Variants in ROBO2 observed in about 807,000 individuals in gnomAD.
The protein encoded by ROBO2 is roundabout homolog 2.
A neutral mutation model predicts 160.8 loss-of-function variants in ROBO2; 53 were observed. That is an observed-to-expected ratio of 0.33 (90% CI 0.26 to 0.41). The LOEUF (loss-of-function observed/expected upper bound fraction) is 0.41. Among genes scored for constraint, ROBO2 ranks in the 10% least tolerant of loss-of-function variants. ROBO2 has a pLI of 1.00. For missense variants in ROBO2, 1,577 were observed against 1,722.4 expected (o/e 0.92, Z 1.49); for synonymous variants, 664 against 611.7 (o/e 1.09, Z -1.26).
chr3:76,538,612 G>A (rs183866991), intron 2 of ROBO2, among the ~76,000 whole-genome samples: 2 of 152,270 alleles, frequency 1.3e-5, no homozygotes, highest in African/African-American at 2.4e-5. Flanking sequence ...TAGAACTGGG[G>A]TACATGTTGT....
chr3:76,216,135 T>C lies in ROBO2; in HGVS notation c.109+278533T>C, dbSNP rs548956531. On this transcript the variant is annotated intron_variant, in intron 2 of 26. Transcript: ENST00000487694. ...TGAGAGATTGTGTCACCACCAGGCCTGCCCTAAAAGAGCTCCTGAAGGAAG... is the reference window on the plus strand; with the variant it reads ...TGAGAGATTGTGTCACCACCAGGCCCGCCCTAAAAGAGCTCCTGAAGGAAG... Among the ~76,000 whole-genome samples, 807 of 152,294 alleles carry C rather than the reference T, an allele frequency of 5.3e-3. 13 individuals carry two copies. The highest frequency in any genetic ancestry group is 0.019 in the African/African-American group (772 of 41,562).
chr3:76,655,054 T>G (rs1026199130), intron 2 of ROBO2, among the ~76,000 whole-genome samples: 1 of 151,102 alleles, frequency 6.6e-6, no homozygotes, highest in African/African-American at 2.4e-5. Flanking sequence ...AAGAAATTTC[T>G]TTGGTTAAAG....
chr3:76,752,036 C>A (rs924648485), intron 2 of ROBO2, among the ~76,000 whole-genome samples: 2 of 152,068 alleles, frequency 1.3e-5, no homozygotes, highest in Admixed American at 6.6e-5. Flanking sequence ...AGACTTGGAA[C>A]CAACCCAAAT....
chr3:76,972,887 A>G (rs2059639276), intron 2 of ROBO2, among the ~76,000 whole-genome samples: 1 of 152,182 alleles, frequency 6.6e-6, no homozygotes, highest in Non-Finnish European at 1.5e-5. Flanking sequence ...ATACATAAAA[A>G]TTAAAATAGA....
At chr3:76,546,810 C>A (rs2083131875) in intron 2 of ROBO2, among the ~76,000 whole-genome samples, 2 of 151,666 alleles carry the variant, frequency 1.3e-5, no homozygotes, top group South Asian at 4.1e-4. Context: ...AAGTCTAACA[C>A]TTGATTTTTA....
intron 6 of ROBO2, among the ~76,000 whole-genome samples, chr3:77,538,359 A>G (rs1161178204): frequency 2.0e-5 from 3 of 151,708 alleles, no homozygotes; most frequent in Non-Finnish European, 1.5e-5. Context: ...TTGTATTTTT[A>G]GTAGAGACGG....
At chr3:76,461,214 C>T (rs551297239) in intron 2 of ROBO2, among the ~76,000 whole-genome samples, 195 of 152,154 alleles carry the variant, frequency 1.3e-3, no homozygotes, top group Non-Finnish European at 2.2e-3. Context: ...TGGAGCAAGG[C>T]TGGGGTTGTA....
intron 2 of ROBO2, among the ~76,000 whole-genome samples, chr3:76,473,442 C>G (rs537053861): frequency 6.6e-6 from 1 of 152,248 alleles, no homozygotes; most frequent in African/African-American, 2.4e-5. Context: ...ACCTTCCTCT[C>G]AGACTCTTGT....
intron 7 of ROBO2, among the ~76,000 whole-genome samples, chr3:77,546,817 T>C (rs1381162730): frequency 6.6e-6 from 1 of 152,092 alleles, no homozygotes; most frequent in Non-Finnish European, 1.5e-5. Flanking sequence ...AGTCAGGACA[T>C]ATGCAGTACT....
At chr3:75,971,999 T>G (rs1323356906) in intron 2 of ROBO2, among the ~76,000 whole-genome samples, 1 of 151,610 alleles carries the variant, frequency 6.6e-6, no homozygotes, top group South Asian at 2.1e-4. Context: ...TCAAATAAAT[T>G]ATTCTGTTCT....
In ROBO2 at chr3:76,036,195, G is replaced by A. The variant is rs1387163267; in HGVS notation, c.109+98593G>A. On this transcript the variant is annotated intron_variant, in intron 2 of 26. Coordinates refer to the ROBO2 transcript ENST00000487694. Reference sequence around the variant, plus strand: ...GACCTGGTCTCACTCTGTCGCCCAGGCTGGAGTGCAGTGGAGTGATCTCAG... The same window carrying A: ...GACCTGGTCTCACTCTGTCGCCCAGACTGGAGTGCAGTGGAGTGATCTCAG... Among the ~76,000 whole-genome samples, 2 of 151,988 alleles carry A rather than the reference G, an allele frequency of 1.3e-5. 1 individual carries two copies. Among genetic ancestry groups the A allele is most frequent in the African/African-American group, 4.8e-5 (2 of 41,266 alleles).
chr3:76,424,896 C>T (rs1489239674), intron 2 of ROBO2, among the ~76,000 whole-genome samples: 1 of 152,178 alleles, frequency 6.6e-6, no homozygotes, highest in Non-Finnish European at 1.5e-5. Flanking sequence ...GTGCATGGCA[C>T]AAACAGCTCC....
chr3:77,644,243 T>A (rs530146958), intron 24 of ROBO2, among the ~76,000 whole-genome samples: 1 of 152,290 alleles, frequency 6.6e-6, no homozygotes, highest in South Asian at 2.1e-4. Flanking sequence ...TTTTAAAAGC[T>A]TATTTAACTA....
chr3:76,102,973 G>T (rs147976418), intron 2 of ROBO2, among the ~76,000 whole-genome samples: 1 of 151,874 alleles, frequency 6.6e-6, no homozygotes, highest in African/African-American at 2.4e-5. Context: ...TGCAGGCGCC[G>T]CCACCACGCC....
At chr3:76,683,623 G>A (rs992104940) in intron 2 of ROBO2, among the ~76,000 whole-genome samples, 1 of 151,988 alleles carries the variant, frequency 6.6e-6, no homozygotes, top group African/African-American at 2.4e-5. Context: ...CATGTAACTA[G>A]GATTTCTGAG....
chr3:76,781,508 G>A lies in ROBO2; in HGVS notation c.110-316506G>A, dbSNP rs552239244. Among the ~76,000 whole-genome samples, 3 of 150,674 alleles carry A rather than the reference G, an allele frequency of 2.0e-5. 1 individual carries two copies. The highest frequency in any genetic ancestry group is 2.0e-4 in the Admixed American group (3 of 15,078). ...CATAATGTTAGAGAAATAGCTTTCA[G>A]CATTTTGACTTTTATTATGTTGTAT... On this transcript the variant is annotated intron_variant, in intron 2 of 26. Coordinates refer to the ROBO2 transcript ENST00000487694.
intron 2 of ROBO2, among the ~76,000 whole-genome samples, chr3:77,361,337 T>A (rs1297569189): frequency 6.6e-6 from 1 of 152,206 alleles, no homozygotes; most frequent in Non-Finnish European, 1.5e-5. Flanking sequence ...CAAATTTCAC[T>A]ATTTTTTTCT....
intron 2 of ROBO2, among the ~76,000 whole-genome samples, chr3:77,395,886 G>A (rs1053333435): frequency 2.0e-5 from 3 of 151,754 alleles, no homozygotes; most frequent in African/African-American, 4.8e-5. Context: ...AGCTTTGAAA[G>A]TCCTTTTGTT....
intron 1 of ROBO2, among the ~76,000 whole-genome samples, chr3:77,091,850 C>T (rs1045707056): frequency 1.3e-5 from 2 of 151,856 alleles, no homozygotes; most frequent in Admixed American, 1.3e-4. Flanking sequence ...TGTGGTGGTG[C>T]GTGCCTGTAG....
Sources: gnomAD v4.1 joint callset for allele counts (sites outside exome capture counted in the v4.1 genomes callset) on GRCh38, gnomAD v4.1.1 for gene constraint, MANE v1.5 for transcripts, NCBI Gene and HGNC (gene_info 2026-07-23, HGNC 2026-07-21) for gene names.